The following ATP2C1 variants were observed in gnomAD, a reference collection of about 807,000 sequenced individuals.
ATP2C1 encodes the protein ATPase secretory pathway Ca2+ transporting 1.
In ATP2C1, 31 loss-of-function variants were observed where a neutral mutation model predicts 120.5. The ratio of observed to expected loss-of-function variants is 0.26; its 90% CI spans 0.19 to 0.35. The LOEUF is 0.35. Ranked by LOEUF, ATP2C1 falls within the 10% of genes least tolerant of loss-of-function variation. ATP2C1 has a pLI of 1.00. For synonymous variants in ATP2C1, 351 were observed against 358.7 expected (o/e 0.98, Z 0.24); for missense variants, 731 against 1,107.5 (o/e 0.66, Z 4.83).
intron 1 of ATP2C1, among the ~76,000 whole-genome samples, chr3:130,862,016 C>G (rs1035064364): frequency 6.6e-6 from 1 of 152,104 alleles, no homozygotes; most frequent in Admixed American, 6.6e-5. Flanking sequence ...CTCTGTCGCC[C>G]AGGCTGAAGT....
chr3:130,915,627 G>A (rs2058655087), intron 2 of ATP2C1, among the ~76,000 whole-genome samples: 2 of 152,166 alleles, frequency 1.3e-5, no homozygotes, highest in Admixed American at 6.5e-5. Flanking sequence ...TGGATGAGCA[G>A]TGATAGTTAC....
In ATP2C1 at chr3:131,002,036, G is replaced by A. The variant is rs150024961; in HGVS notation, c.*686G>A. 1,500 of 985,386 alleles carry A rather than the reference G, an allele frequency of 1.5e-3. 20 individuals are homozygous for A. The African/African-American group carries it at 0.024, about 16-fold the overall frequency. 61.0% of individuals were successfully genotyped at this position (985,386 alleles called of 1,614,324 possible). On this transcript the variant is annotated 3_prime_UTR_variant, in exon 28 of 28. Transcript: ENST00000510168. ...CTTTATTTTTATTTTAAAAAGGTAT[G>A]TCTTTGGTTTGGCAGAATTCATGCA...
At chr3:130,937,754 A>T (rs1389746780) in intron 6 of ATP2C1, among the ~76,000 whole-genome samples, 1 of 152,234 alleles carries the variant, frequency 6.6e-6, no homozygotes, top group African/African-American at 2.4e-5. Flanking sequence ...TAGAAATAAA[A>T]TCCAGCAGTA....
chr3:130,971,319 A>G (rs1334982561), intron 17 of ATP2C1, among the ~76,000 whole-genome samples: 1 of 152,216 alleles, frequency 6.6e-6, no homozygotes, highest in Non-Finnish European at 1.5e-5. Context: ...GTGGCAGGAT[A>G]TGTTTGGAAA....
intron 12 of ATP2C1, chr3:130,963,297 A>C (rs948370086): frequency 4.5e-5 from 7 of 153,934 alleles, no homozygotes; most frequent in African/African-American, 1.7e-4. Flanking sequence ...CACATTAAGC[A>C]GTCACTCCCC....
rs571104028 is a variant in ATP2C1 at position 131,013,602 on chromosome 3, G to A, written c.2630-2550G>A. Among the ~76,000 whole-genome samples, 7 of 152,342 alleles carry A rather than the reference G, an allele frequency of 4.6e-5. 1 individual carries two copies. The South Asian group carries it at 1.0e-3, about 23-fold the overall frequency. ...CTCATTGACTAAGTACTTACTTTTA[G>A]TAGAGACAGTTTTCTGTCTGGCATC... On this transcript the variant is annotated intron_variant, in intron 26 of 26. Coordinates refer to the ATP2C1 transcript ENST00000328560.
chr3:130,968,209 T>C (rs1056010256), intron 16 of ATP2C1, among the ~76,000 whole-genome samples: 1 of 152,214 alleles, frequency 6.6e-6, no homozygotes, highest in Non-Finnish European at 1.5e-5. Flanking sequence ...TCATTTGGTC[T>C]CCTTACAACT....
At position 130,945,757 on chromosome 3, in the gene ATP2C1, G is replaced by A. The variant is rs145666328; in HGVS notation, c.531+4058G>A. On this transcript the variant is annotated intron_variant, in intron 8 of 27. Coordinates refer to ENST00000510168, the MANE Select transcript of ATP2C1 (RefSeq NM_001378687.1). ...ATATGTGCCACATTTTCTTAATCCAGTCTATCATTGAACAGTATGTTTTGC... is the reference window on the plus strand; with the variant it reads ...ATATGTGCCACATTTTCTTAATCCAATCTATCATTGAACAGTATGTTTTGC... Among the ~76,000 whole-genome samples the A allele has an allele frequency of 3.4e-3, 523 of 152,074 alleles. 17 individuals carry two copies. The highest frequency in any genetic ancestry group is 0.023 in the Admixed American group (357 of 15,280).
chr3:130,894,152 C>CCA lies in ATP2C1; in HGVS notation c.-365_-364insAC. On this transcript the variant is annotated 5_prime_UTR_variant, in exon 1 of 28. Transcript: ENST00000510168. This position sits in a 1 kb window ranked among gnomAD's most constrained non-coding sequence, Gnocchi z 4.5. ...GGTCCCCTCACCTCCTCTTCTCTCC[C>CCA]CTCCCCGCCCGCCCTCTCTCCCTCC... 1 of 560,234 alleles carries CCA rather than the reference C, an allele frequency of 1.8e-6. No individual in the cohort carries two copies. Among genetic ancestry groups the CCA allele is most frequent in the Non-Finnish European group, 2.3e-6 (1 of 441,390 alleles). 34.7% of individuals were successfully genotyped at this position (560,234 alleles called of 1,614,324 possible).
At chr3:131,006,634 TTTGTGTGTG>T (rs2063125041), downstream of ATP2C1, among the ~76,000 whole-genome samples, 2 of 62,734 alleles carry the variant, frequency 3.2e-5, no homozygotes, top group Non-Finnish European at 7.4e-5. Flanking sequence ...CTAGTGTGTG[TTTGTGTGTG>T]TGTGTGTGTG....
chr3:131,005,468 G>A (rs142315670), downstream of ATP2C1, among the ~76,000 whole-genome samples: 78 of 152,256 alleles, frequency 5.1e-4, no homozygotes, highest in East Asian at 0.015. Context: ...AGGAGAAAAG[G>A]AAAATGGAAA....
chr3:130,938,411 A>G (rs933559848), intron 6 of ATP2C1, among the ~76,000 whole-genome samples: 1 of 152,236 alleles, frequency 6.6e-6, no homozygotes, highest in Non-Finnish European at 1.5e-5. Flanking sequence ...TCTGAAGCCT[A>G]TACTTTGAAT....
chr3:130,894,164 C>CCCCCACAAA lies in ATP2C1; in HGVS notation c.-352_-351insCCACAAACC. 1 of 800,532 alleles carries CCCCCACAAA rather than the reference C, an allele frequency of 1.2e-6. No homozygotes were observed. Among genetic ancestry groups the CCCCCACAAA allele is most frequent in the Non-Finnish European group, 1.5e-6 (1 of 661,224 alleles). The allele number at this position is 800,532 out of a possible 1,614,324, so 49.6% of individuals were successfully genotyped here. Reference sequence around the variant, plus strand: ...TCCTCTTCTCTCCCCTCCCCGCCCGCCCTCTCTCCCTCCCTTCCTCCCTCC... The same window carrying CCCCCACAAA: ...TCCTCTTCTCTCCCCTCCCCGCCCGCCCCCACAAACCTCTCTCCCTCCCTTCCTCCCTCC... On this transcript the variant is annotated 5_prime_UTR_variant, in exon 1 of 28. Coordinates refer to ENST00000510168, the MANE Select transcript of ATP2C1 (RefSeq NM_001378687.1). The surrounding 1 kb of genome is among the most constrained non-coding windows in gnomAD (Gnocchi z 4.5).
intron 1 of ATP2C1, among the ~76,000 whole-genome samples, chr3:130,878,041 C>A (rs2068663752): frequency 6.7e-6 from 1 of 149,028 alleles, no homozygotes; most frequent in Admixed American, 6.8e-5. Context: ...CACAAGGACA[C>A]AAAACCAAAC....
intron 2 of ATP2C1, among the ~76,000 whole-genome samples, chr3:130,902,720 G>A (rs556469135): frequency 1.2e-4 from 18 of 151,732 alleles, no homozygotes; most frequent in South Asian, 2.1e-4. Flanking sequence ...GACCCCCCCC[G>A]AAGTCAGAAC....
intron 2 of ATP2C1, among the ~76,000 whole-genome samples, chr3:130,914,604 G>A (rs2058598058): frequency 1.3e-5 from 2 of 152,108 alleles, no homozygotes; most frequent in African/African-American, 4.8e-5. Flanking sequence ...TGCCTAGCTT[G>A]GGCTTGAACT....
At chr3:130,915,188 G>A (rs2058627725) in intron 2 of ATP2C1, among the ~76,000 whole-genome samples, 1 of 151,936 alleles carries the variant, frequency 6.6e-6, no homozygotes, top group Non-Finnish European at 1.5e-5. Flanking sequence ...CCGCCTCCTG[G>A]GTTCAAGCGA....
chr3:130,886,615 A>G (rs1180632140), intron 1 of ATP2C1, among the ~76,000 whole-genome samples: 2 of 152,086 alleles, frequency 1.3e-5, no homozygotes, highest in Admixed American at 6.5e-5. Flanking sequence ...TGCTTGATCA[A>G]TTCTGCTATT....
chr3:130,941,566 T>G, intron 7 of ATP2C1, 25 bp from the exon 8 acceptor site: 3 of 1,575,012 alleles, frequency 1.9e-6, no homozygotes, highest in Non-Finnish European at 2.6e-6. Context: ...TTTTTAACCA[T>G]GGTTGTTTCT....
Sources: allele counts gnomAD v4.1 joint callset (sites outside exome capture counted in the v4.1 genomes callset), GRCh38; gene constraint gnomAD v4.1.1; non-coding constraint Gnocchi (gnomAD v3.1); transcripts MANE v1.5; gene names NCBI Gene and HGNC (gene_info 2026-07-23, HGNC 2026-07-21).